SHMT2: variants seen among roughly 807,000 people sequenced by gnomAD.
The protein encoded by SHMT2 is serine hydroxymethyltransferase 2.
In SHMT2, 38 loss-of-function variants were observed where a neutral mutation model predicts 59.6. The ratio of observed to expected loss-of-function variants is 0.64; its 90% confidence interval spans 0.49 to 0.84. The LOEUF is 0.84. SHMT2 is among the 40% of genes least tolerant of loss of function. The probability of loss-of-function intolerance (pLI) is 0.00; values close to 1 mark genes in which losing one functional copy is unlikely to be tolerated. For missense variants in SHMT2, 533 were observed against 659.5 expected (o/e 0.81, Z 2.10); for synonymous variants, 254 against 258.1 (o/e 0.98, Z 0.15).
Position 57,234,024 on chromosome 12 carries a change from G to A in SHMT2, c.1301G>A (p.Arg434Gln), listed in dbSNP as rs985002692. 9 of 1,614,126 alleles carry A rather than the reference G, an allele frequency of 5.6e-6. No individual in the cohort carries two copies. Among genetic ancestry groups the A allele is most frequent in the Non-Finnish European group, 7.6e-6 (9 of 1,180,030 alleles). ...CCAGGGGCCCCAGCCTTAACTTCTC[G>A]ACAGTTCCGTGAGGATGACTTCCGG... is the stretch of plus-strand genomic sequence containing the variant. ...LRLGAPALTS[R>Q]QFREDDFRRV... is the part of the protein sequence containing the mutation. Residue 434 changes from arginine to glutamine, a missense_variant, in exon 11 of 12, where the codon CGA (arginine) becomes CAA (glutamine). Physicochemically the swap from Arg to Gln is conservative, Grantham distance 43. Transcript: ENST00000328923.
chr12:57,232,168 G>C, intron 4 of SHMT2, 43 bp from the exon 5 acceptor site: 1 of 1,563,226 alleles, frequency 6.4e-7, no homozygotes, highest in Non-Finnish European at 8.8e-7. Flanking sequence ...TTAAGTCCGG[G>C]GGTCCTTCCA....
In SHMT2 at chr12:57,231,493, C is replaced by A. The variant is rs760114958; in HGVS notation, c.244C>A (p.Arg82=). ...CCCACCACCCCAGAACTTCTGCAGC[C>A]GAGCTGCGCTGGAGGCCCTGGGGTC... ...ELIASENFCS[R]AALEALGSCL... is the part of the protein sequence containing the mutation. Residue 82 remains arginine (R), a synonymous_variant, in exon 3 of 12, where the codon CGA becomes AGA. Transcript: ENST00000328923. The A allele has an allele frequency of 6.8e-6, 11 of 1,614,006 alleles. No individual in the cohort carries two copies. The highest frequency in any genetic ancestry group is 7.6e-6 in the Non-Finnish European group (9 of 1,180,018).
rs748730415 is a variant in SHMT2 at position 57,233,586 on chromosome 12, G to T, written c.1047G>T (p.Glu349Asp). 2.5e-6 allele frequency: 4 copies of T among 1,613,930 alleles called. No homozygotes were observed. In the East Asian group the frequency reaches 6.7e-5, roughly 27 times the overall value. The change falls in exon 9 of 12, where the codon GAG (glutamate) becomes GAT (aspartate). Residue 349 changes from glutamate to aspartate, a missense_variant. By Grantham distance (45) the Glu-to-Asp change is conservative. Coordinates refer to ENST00000328923, the MANE Select transcript of SHMT2 (RefSeq NM_005412.6). ...AGGCCTGCACCCCCATGTTCCGGGA[G>T]TACTCCCTGCAGGTTCTGAAGAATG... Reference protein sequence around the residue: ...LKQACTPMFREYSLQVLKNAR... With the variant: ...LKQACTPMFRDYSLQVLKNAR...
At chr12:57,232,624 G>A in intron 6 of SHMT2, 49 bp downstream of exon 6, 1 of 1,612,754 alleles carries the variant, frequency 6.2e-7, no homozygotes, top group Non-Finnish European at 8.5e-7. Flanking sequence ...GGGTGGTGAG[G>A]AGGTGTGGGA....
Position 57,230,968 on chromosome 12 carries a change from C to A in SHMT2, c.199C>A (p.Gln67Lys). ...WELLQREKDRQCRGLELIASE... is the reference protein window; with the variant it reads ...WELLQREKDRKCRGLELIASE... ...GTTGCTGCAGAGGGAGAAGGACAGG[C>A]AGTGTCGTGGCCTGGAGCTCATTGC... The change falls in exon 2 of 12, where the codon CAG (glutamine) becomes AAG (lysine). Residue 67 changes from glutamine to lysine, a missense_variant. Physicochemically the swap from Gln to Lys is moderately conservative, Grantham distance 53 (BLOSUM62 1). Transcript: ENST00000328923. 2 of 1,613,734 alleles carry A rather than the reference C, an allele frequency of 1.2e-6. No homozygotes were observed. Among genetic ancestry groups the A allele is most frequent in the South Asian group, 2.2e-5 (2 of 91,058 alleles).
chr12:57,234,073 A>T lies in SHMT2; in HGVS notation c.1350A>T (p.Glu450Asp), dbSNP rs747303950. 1.9e-6 allele frequency: 3 copies of T among 1,614,160 alleles called. No individual in the cohort carries two copies. Among genetic ancestry groups the T allele is most frequent in the Admixed American group, 1.7e-5 (1 of 60,028 alleles). The change falls in exon 11 of 12, where the codon GAA becomes GAT. Residue 450 changes from glutamate (E) to aspartate (D), a missense_variant. Coordinates refer to ENST00000328923, the MANE Select transcript of SHMT2 (RefSeq NM_005412.6). ...GGAGAGTTGTGGACTTTATAGATGA[A>T]GGGGTCAACATTGGCTTAGAGGTGA... ...DFRRVVDFID[E>D]GVNIGLEVKS...
chr12:57,231,876 G>A lies in SHMT2; in HGVS notation c.475G>A (p.Asp159Asn), dbSNP rs749155543. The A allele has an allele frequency of 8.7e-6, 14 of 1,613,100 alleles. No homozygotes were observed. The highest frequency in any genetic ancestry group is 9.3e-6 in the Non-Finnish European group (11 of 1,179,628). ...AVYTALLQPH[D>N]RIMGLDLPDG... The stretch of plus-strand genomic sequence containing the variant: ...CTACACAGCCCTTCTGCAACCTCAC[G>A]ACCGGATCATGGGGCTGGACCTGCC... Residue 159 changes from aspartate to asparagine, a missense_variant, in exon 4 of 12, where the codon GAC becomes AAC. Physicochemically the swap from Asp to Asn is conservative, Grantham distance 23. Coordinates refer to ENST00000328923, the MANE Select transcript of SHMT2 (RefSeq NM_005412.6).
intron 1 of SHMT2, chr12:57,230,423 A>G (rs1451921942): frequency 3.5e-6 from 4 of 1,150,334 alleles, no homozygotes; most frequent in African/African-American, 1.6e-5. Context: ...TGACTGGGGT[A>G]TCAGTTTATG....
intron 4 of SHMT2, 147 bp downstream of exon 4, chr12:57,232,060 C>T: frequency 8.8e-7 from 1 of 1,133,212 alleles, no homozygotes; most frequent in Non-Finnish European, 1.3e-6. Context: ...GATAAGATCC[C>T]AGTTATAGTG....
At position 57,232,805 on chromosome 12, in the gene SHMT2, C is replaced by T. The variant is rs753409171; in HGVS notation, c.819C>T (p.Ile273=). The change falls in exon 7 of 12, where the codon ATC becomes ATT. Residue 273 remains isoleucine (I), a synonymous_variant. Transcript: ENST00000328923. ...VIPSPFKHAD[I]VTTTTHKTLR... is the part of the protein sequence containing the mutation. ...CCTCGCCTTTCAAGCACGCGGACAT[C>T]GTCACCACCACTACTCACAAGACTC... is the stretch of plus-strand genomic sequence containing the variant. 6 of 1,613,408 alleles carry T rather than the reference C, an allele frequency of 3.7e-6. No individual in the cohort carries two copies. In the African/African-American group the frequency reaches 5.3e-5, roughly 14 times the overall value.
chr12:57,234,096 T>C lies in SHMT2; in HGVS notation c.1373T>C (p.Val458Ala). ...GAAGGGGTCAACATTGGCTTAGAGG[T>C]GAAGAGCAAGACTGGTGAGTGAGCA... is the stretch of plus-strand genomic sequence containing the variant. ...IDEGVNIGLEVKSKTAKLQDF... is the reference protein window; with the variant it reads ...IDEGVNIGLEAKSKTAKLQDF... The change falls in exon 11 of 12, where the codon GTG (valine) becomes GCG (alanine). Residue 458 changes from valine to alanine, a missense_variant. Physicochemically the swap from Val to Ala is moderately conservative, Grantham distance 64. Transcript: ENST00000328923. The C allele has an allele frequency of 6.2e-7, 1 of 1,614,038 alleles. No individual in the cohort carries two copies. Among genetic ancestry groups the C allele is most frequent in the Non-Finnish European group, 8.5e-7 (1 of 1,180,006 alleles).
At position 57,234,344 on chromosome 12, in the gene SHMT2, G is replaced by C; in HGVS notation, c.1498G>C (p.Gly500Arg). Residue 500 changes from glycine to arginine, a missense_variant, in exon 12 of 12, where the codon GGT (glycine) becomes CGT (arginine). Physicochemically the swap from Gly to Arg is moderately radical, Grantham distance 125 (BLOSUM62 -2). Coordinates refer to ENST00000328923, the MANE Select transcript of SHMT2 (RefSeq NM_005412.6). ...GTTTGCCAGGGCCTTCCCCATGCCT[G>C]GTTTTGATGAGCATTGAAGGCACCT... ...EQFARAFPMPGFDEH is the reference protein window; with the variant it reads ...EQFARAFPMPRFDEH 1 of 1,604,468 alleles carries C rather than the reference G, an allele frequency of 6.2e-7. No individual in the cohort carries two copies. The highest frequency in any genetic ancestry group is 8.5e-7 in the Non-Finnish European group (1 of 1,175,842).
In SHMT2 at chr12:57,229,716, T is replaced by A. The variant is rs1296625911; in HGVS notation, c.-63T>A. On this transcript the variant is annotated 5_prime_UTR_variant, in exon 1 of 12. Transcript: ENST00000328923. ...GCATGCGTTCTCCGAACGGTCTTCT[T>A]CCGACAGCTTGCTGCCCTAGACCAG... 4 of 1,607,012 alleles carry A rather than the reference T, an allele frequency of 2.5e-6. No individual in the cohort carries two copies. Among genetic ancestry groups the A allele is most frequent in the Admixed American group, 1.7e-5 (1 of 60,006 alleles).
chr12:57,233,934 G>A lies in SHMT2; in HGVS notation c.1279+30G>A, dbSNP rs34095989. On this transcript the variant is annotated intron_variant, in intron 10 of 11. Transcript: ENST00000328923. The stretch of plus-strand genomic sequence containing the variant: ...GACCTGGGGTTTGAGGAGGGAAGGG[G>A]CTCCCATGCTGGATGACTGCCAGGT... 586,666 of 1,613,524 alleles carry A rather than the reference G, an allele frequency of 0.36. 110,172 individuals carry two copies. The highest frequency in any genetic ancestry group is 0.48 in the Middle Eastern group (2,899 of 6,062).
chr12:57,232,025 C>A, intron 4 of SHMT2, 112 bp downstream of exon 4: 1 of 1,256,924 alleles, frequency 8.0e-7, no homozygotes, highest in Non-Finnish European at 1.1e-6. Flanking sequence ...CTTGCCCTGT[C>A]CTGCATGTCA....
chr12:57,230,867 A>G lies in SHMT2; in HGVS notation c.98A>G (p.Gln33Arg). The G allele has an allele frequency of 2.5e-6, 4 of 1,614,182 alleles. No homozygotes were observed. Among genetic ancestry groups the G allele is most frequent in the Non-Finnish European group, 3.4e-6 (4 of 1,180,040 alleles). ...CGGGCTCAGCACAGCAACGCAGCCC[A>G]GACTCAGACTGGGGAAGCAAACAGG... ...AIRAQHSNAA[Q>R]TQTGEANRGW... Residue 33 changes from glutamine (Q) to arginine (R), a missense_variant, in exon 2 of 12, where the codon CAG (glutamine) becomes CGG (arginine). Coordinates refer to ENST00000328923, the MANE Select transcript of SHMT2 (RefSeq NM_005412.6).
chr12:57,229,887 C>A, intron 1 of SHMT2, 76 bp downstream of exon 1: 1 of 1,582,986 alleles, frequency 6.3e-7, no homozygotes, highest in Non-Finnish European at 8.6e-7. Flanking sequence ...TAGTCACAAA[C>A]TCTGGGGTTC....
chr12:57,230,889 C>A lies in SHMT2; in HGVS notation c.120C>A (p.Asn40Lys). The change falls in exon 2 of 12, where the codon AAC (asparagine) becomes AAA (lysine). Residue 40 changes from asparagine to lysine, a missense_variant. Asn to Lys is a moderately conservative substitution (Grantham distance 94, BLOSUM62 0). Coordinates refer to ENST00000328923, the MANE Select transcript of SHMT2 (RefSeq NM_005412.6). Reference sequence around the variant, plus strand: ...CCCAGACTCAGACTGGGGAAGCAAACAGGGGCTGGACAGGCCAGGAGAGCC... The same window carrying A: ...CCCAGACTCAGACTGGGGAAGCAAAAAGGGGCTGGACAGGCCAGGAGAGCC... ...NAAQTQTGEA[N>K]RGWTGQESLS... The A allele has an allele frequency of 6.2e-7, 1 of 1,614,100 alleles. No individual in the cohort carries two copies.
In SHMT2 at chr12:57,230,833, A is replaced by G; in HGVS notation, c.64A>G (p.Met22Val). 1 of 1,614,096 alleles carries G rather than the reference A, an allele frequency of 6.2e-7. No homozygotes were observed. Among genetic ancestry groups the G allele is most frequent in the Non-Finnish European group, 8.5e-7 (1 of 1,180,002 alleles). The change falls in exon 2 of 12, where the codon ATG becomes GTG. Residue 22 changes from methionine (M) to valine (V), a missense_variant. Transcript: ENST00000328923. ...PLQRCGQLVR[M>V]AIRAQHSNAA... ...GCAGAGATGTGGGCAGCTGGTCAGG[A>G]TGGCCATTCGGGCTCAGCACAGCAA...
Sources: allele counts gnomAD v4.1 joint callset, GRCh38; gene constraint gnomAD v4.1.1; transcripts MANE v1.5; gene names NCBI Gene and HGNC (gene_info 2026-07-23, HGNC 2026-07-21).